Variants in WDR93 observed in about 807,000 individuals in gnomAD.
The protein encoded by WDR93 is WD repeat domain 93, also known as WD repeat-containing protein 93.
In WDR93, 73 loss-of-function variants were observed where a neutral mutation model predicts 82.9. The ratio of observed to expected loss-of-function variants is 0.88; its 90% CI spans 0.73 to 1.07. WDR93 has a LOEUF of 1.07. Ranked by LOEUF, WDR93 falls within the 50% of genes least tolerant of loss-of-function variation. The pLI, the probability that WDR93 is intolerant of heterozygous loss-of-function variation, is 0.00. For missense variants in WDR93, 738 were observed against 826.0 expected, an observed-to-expected ratio of 0.89 and a Z score of 1.31; for synonymous variants, 283 against 300.1, an observed-to-expected ratio of 0.94 and a Z score of 0.59.
At chr15:89,729,818 A>G (rs746949036) in intron 11 of WDR93, 49 bp downstream of exon 11, 3 of 1,465,022 alleles carry the variant, frequency 2.0e-6, no homozygotes, top group Non-Finnish European at 2.9e-6. Flanking sequence ...ACTTGCAGAC[A>G]TGTCCTTCTC....
At chr15:89,710,588 TTAAA>T (rs1014334299) in intron 4 of WDR93, among the ~76,000 whole-genome samples, 2 of 152,100 alleles carry the variant, frequency 1.3e-5, no homozygotes, top group African/African-American at 4.8e-5. Flanking sequence ...AATTTTATCT[TTAAA>T]TAAACTCTCC....
At position 89,743,346 on chromosome 15, in the gene WDR93, T is replaced by C. The variant is rs151155203; in HGVS notation, c.2016T>C (p.Leu672=). The change falls in exon 17 of 17, where the codon CTT becomes CTC. Residue 672 remains leucine, a synonymous_variant. Transcript: ENST00000268130. ...AGGAGGAGGAGCACTGGGCCCGGCT[T>C]CAGAGGTACTCCTTGTCGCTCCAGA... The part of the protein sequence containing the change: ...PEKEEEHWAR[L]QRYSLSLQRE... 4.3e-6 allele frequency: 7 copies of C among 1,613,996 alleles called. No individual in the cohort carries two copies. In the African/African-American group the frequency reaches 9.3e-5, roughly 22 times the overall value.
At chr15:89,707,140 AAAG>A (rs1431814885) in intron 4 of WDR93, among the ~76,000 whole-genome samples, 1 of 152,228 alleles carries the variant, frequency 6.6e-6, no homozygotes, top group Non-Finnish European at 1.5e-5. Flanking sequence ...AGGGGTCACC[AAAG>A]AAGATGTATG....
intron 10 of WDR93, among the ~76,000 whole-genome samples, chr15:89,729,343 A>C (rs536716840): frequency 1.3e-5 from 2 of 152,240 alleles, no homozygotes; most frequent in East Asian, 3.9e-4. Flanking sequence ...ATGAGCCCAC[A>C]TCCACCGGGC....
upstream of WDR93, among the ~76,000 whole-genome samples, chr15:89,690,365 G>A (rs1964802695): frequency 6.6e-6 from 1 of 152,214 alleles, no homozygotes; most frequent in African/African-American, 2.4e-5. Context: ...TCGTGCACGG[G>A]GCTAGGACGG....
chr15:89,728,941 G>C, intron 9 of WDR93, 82 bp from the exon 10 acceptor site: 1 of 1,220,826 alleles, frequency 8.2e-7, no homozygotes, highest in Non-Finnish European at 1.2e-6. Flanking sequence ...TATCTATTCT[G>C]GTTTTAGGAC....
intron 3 of WDR93, chr15:89,704,524 G>A (rs1450784398): frequency 6.6e-6 from 1 of 152,208 alleles, no homozygotes; most frequent in Non-Finnish European, 1.5e-5. Context: ...ATATGCATAT[G>A]GGTCAAGTAG....
intron 11 of WDR93, 28 bp downstream of exon 11, chr15:89,729,797 C>T (rs372248855): frequency 6.3e-7 from 1 of 1,582,820 alleles, no homozygotes; most frequent in Non-Finnish European, 8.7e-7. Flanking sequence ...TGGGAGTCGC[C>T]TAAGCTCAGG....
intron 1 of WDR93, among the ~76,000 whole-genome samples, chr15:89,692,299 A>C (rs987576106): frequency 6.6e-6 from 1 of 152,038 alleles, no homozygotes; most frequent in Non-Finnish European, 1.5e-5. Flanking sequence ...CATGGTCTAG[A>C]CTCCAGAAGA....
At chr15:89,730,895 A>G (rs1966853695) in intron 11 of WDR93, among the ~76,000 whole-genome samples, 1 of 152,158 alleles carries the variant, frequency 6.6e-6, no homozygotes, top group Non-Finnish European at 1.5e-5. Context: ...AAAAAAAAAA[A>G]ATTAATGGAA....
rs752491353 is a variant in WDR93, at chr15:89,743,406, T to C, written c.*15T>C. On this transcript the variant is annotated 3_prime_UTR_variant, in exon 17 of 17. Coordinates refer to ENST00000268130, the MANE Select transcript of WDR93 (RefSeq NM_020212.2). ...TCAAGAAGTGAGGCTGCCACCGCCC[T>C]GGGATCTCTGAAAAGGAGGTTTCAG... 1 of 1,613,656 alleles carries C rather than the reference T, an allele frequency of 6.2e-7. No homozygotes were observed. Among genetic ancestry groups the C allele is most frequent in the East Asian group, 2.2e-5 (1 of 44,872 alleles).
intron 13 of WDR93, among the ~76,000 whole-genome samples, chr15:89,733,663 C>G (rs1966928939): frequency 6.6e-6 from 1 of 152,108 alleles, no homozygotes; most frequent in South Asian, 2.1e-4. Flanking sequence ...TGAGCACACT[C>G]AATTCCCTCA....
Position 89,731,445 on chromosome 15 carries a change from C to G in WDR93, c.1213C>G (p.Pro405Ala). Residue 405 changes from proline (P) to alanine (A), a missense_variant and splice_region_variant, in exon 12 of 17, where the codon CCC (proline) becomes GCC (alanine). Physicochemically the swap from Pro to Ala is conservative, Grantham distance 27 (BLOSUM62 -1). Transcript: ENST00000268130. ...TTGAGTATTGTCCTTCCCCCTAGAC[C>G]CCGAGGGTGTGTGGCCCTGTGCTGC... ...LNRTLKDKADPEGVWPCAAPI... is the reference protein window; with the variant it reads ...LNRTLKDKADAEGVWPCAAPI... The G allele has an allele frequency of 1.2e-6, 2 of 1,614,108 alleles. No homozygotes were observed. Among genetic ancestry groups the G allele is most frequent in the Non-Finnish European group, 1.7e-6 (2 of 1,179,986 alleles).
At chr15:89,741,909 GC>G (rs1967705648) in intron 16 of WDR93, among the ~76,000 whole-genome samples, 1 of 152,066 alleles carries the variant, frequency 6.6e-6, no homozygotes, top group Non-Finnish European at 1.5e-5. Flanking sequence ...ATGCCACCAT[GC>G]CCAGCTAATT....
chr15:89,727,035 C>G, intron 8 of WDR93, 122 bp from the exon 9 acceptor site: 1 of 1,138,884 alleles, frequency 8.8e-7, no homozygotes. Context: ...AATTGCAGAG[C>G]AAGAATCGAT....
chr15:89,690,719 C>T, upstream of WDR93: 1 of 959,160 alleles, frequency 1.0e-6, no homozygotes, highest in Non-Finnish European at 1.6e-6. Context: ...CGGTCAGTCC[C>T]AGGTTATCCG....
intron 5 of WDR93, among the ~76,000 whole-genome samples, chr15:89,714,758 G>A (rs1356998791): frequency 6.6e-6 from 1 of 152,184 alleles, no homozygotes; most frequent in Non-Finnish European, 1.5e-5. Flanking sequence ...TAGATAGGTG[G>A]TGGTGGGTTG....
chr15:89,701,031 A>T (rs778751420), intron 1 of WDR93, among the ~76,000 whole-genome samples: 21 of 152,064 alleles, frequency 1.4e-4, no homozygotes, highest in Non-Finnish European at 2.8e-4. Flanking sequence ...AATTGTAAAT[A>T]TTTTTGTAAA....
chr15:89,709,984 C>T (rs111250753), intron 4 of WDR93, among the ~76,000 whole-genome samples: 2,763 of 152,168 alleles, frequency 0.018, 103 homozygotes, highest in African/African-American at 0.064. Context: ...CACGGTGAAA[C>T]CCCGTCTCTA....
Sources: allele counts gnomAD v4.1 joint callset (sites outside exome capture counted in the v4.1 genomes callset), GRCh38; gene constraint gnomAD v4.1.1; transcripts MANE v1.5; gene names NCBI Gene and HGNC (gene_info 2026-07-23, HGNC 2026-07-21).